STPG2: variants seen among roughly 807,000 people sequenced by gnomAD.
STPG2 encodes the protein sperm tail PG-rich repeat containing 2, also known as sperm-tail PG-rich repeat-containing protein 2.
A neutral mutation model predicts 54.2 loss-of-function variants in STPG2; 56 were observed. The ratio of observed to expected loss-of-function variants is 1.03; its 90% CI spans 0.83 to 1.29. The LOEUF is 1.29. STPG2 is among the 50% of genes most tolerant of loss of function. The pLI, the probability that STPG2 is intolerant of heterozygous loss-of-function variation, is 0.00. For missense variants in STPG2, 596 were observed against 544.9 expected (o/e 1.09, Z -0.93); for synonymous variants, 200 against 181.8 (o/e 1.10, Z -0.81).
chr4:97,701,390 C>T (rs980252231), intron 10 of STPG2, among the ~76,000 whole-genome samples: 2 of 152,160 alleles, frequency 1.3e-5, no homozygotes, highest in African/African-American at 4.8e-5. Context: ...CATATTGGAT[C>T]CCCTGAATCA....
intron 9 of STPG2, among the ~76,000 whole-genome samples, chr4:97,749,883 G>A (rs1403957529): frequency 1.3e-5 from 2 of 151,804 alleles, no homozygotes; most frequent in African/African-American, 4.8e-5. Flanking sequence ...GTCACGTTCA[G>A]TAGGATTTAT....
At chr4:98,136,372 A>C (rs1052971577) in intron 1 of STPG2, among the ~76,000 whole-genome samples, 1 of 151,728 alleles carries the variant, frequency 6.6e-6, no homozygotes, top group East Asian at 1.9e-4. Context: ...AATAGCATAG[A>C]TTAGTTTAGC....
intron 5 of STPG2, among the ~76,000 whole-genome samples, chr4:98,017,602 A>C (rs1736003222): frequency 6.6e-6 from 1 of 152,168 alleles, no homozygotes; most frequent in African/African-American, 2.4e-5. Flanking sequence ...CCATGTAGAT[A>C]CTGTAAACTC....
intron 10 of STPG2, among the ~76,000 whole-genome samples, chr4:97,701,141 A>G (rs1723760674): frequency 6.6e-6 from 1 of 152,076 alleles, no homozygotes; most frequent in South Asian, 2.1e-4. Context: ...GCAGCTCTTA[A>G]TGCCTTCCAT....
intron 4 of STPG2, chr4:97,463,662 C>T (rs1157037081): frequency 6.6e-6 from 1 of 152,208 alleles, no homozygotes; most frequent in Admixed American, 6.6e-5. Flanking sequence ...GTTGGCCAAG[C>T]TGTTCTTGAA....
intron 8 of STPG2, 84 bp from the exon 9 acceptor site, chr4:97,841,016 G>A (rs894890017): frequency 3.2e-5 from 42 of 1,311,770 alleles, no homozygotes; most frequent in African/African-American, 1.2e-4. Context: ...GTTACAGTAA[G>A]CAATGAATAG....
At chr4:97,843,630 T>C (rs1728864575) in intron 8 of STPG2, among the ~76,000 whole-genome samples, 1 of 151,864 alleles carries the variant, frequency 6.6e-6, no homozygotes, top group Non-Finnish European at 1.5e-5. Flanking sequence ...TCCCTAGTAT[T>C]TTAAGCTACA....
rs139034518 is a variant in STPG2, at chr4:98,049,832, T to G, written c.612+56121A>C. On this transcript the variant is annotated intron_variant, in intron 5 of 10. Transcript: ENST00000295268. ...AAACAAACATTTATGTCCCTCCTGATTTTTTTAGTACACAATACCATCTAC... is the reference window on the plus strand; with the variant it reads ...AAACAAACATTTATGTCCCTCCTGAGTTTTTTAGTACACAATACCATCTAC... Among the ~76,000 whole-genome samples the G allele has an allele frequency of 4.2e-3, 641 of 152,262 alleles. 3 individuals are homozygous for G. The highest frequency in any genetic ancestry group is 0.024 in the South Asian group (116 of 4,820).
chr4:97,552,829 C>A (rs1385100991), intron 4 of STPG2, among the ~76,000 whole-genome samples: 1 of 152,124 alleles, frequency 6.6e-6, no homozygotes, highest in Admixed American at 6.6e-5. Context: ...TGCATCCGAG[C>A]AGTTATTTTC....
intron 3 of STPG2, among the ~76,000 whole-genome samples, chr4:98,112,159 G>C (rs528526539): frequency 6.6e-6 from 1 of 151,924 alleles, no homozygotes; most frequent in South Asian, 2.1e-4. Flanking sequence ...ACATAATGAT[G>C]TTTCAATGAT....
intron 8 of STPG2, among the ~76,000 whole-genome samples, chr4:97,872,332 A>G (rs574464444): frequency 6.6e-6 from 1 of 151,370 alleles, no homozygotes; most frequent in South Asian, 2.1e-4. Context: ...ACATTTTTAA[A>G]GAAGTAACAC....
At chr4:97,729,337 CA>C (rs368935607) in intron 9 of STPG2, among the ~76,000 whole-genome samples, 258 of 152,066 alleles carry the variant, frequency 1.7e-3, no homozygotes, top group African/African-American at 5.9e-3. Flanking sequence ...TGTTTTTTGC[CA>C]TTCTTTAATT....
At chr4:97,737,280 T>A (rs1001460135) in intron 9 of STPG2, among the ~76,000 whole-genome samples, 5 of 152,010 alleles carry the variant, frequency 3.3e-5, no homozygotes, top group African/African-American at 1.2e-4. Flanking sequence ...GCAGAAAAAC[T>A]GGAAATTCTA....
At chr4:97,728,339 T>C (rs1265319142) in intron 9 of STPG2, among the ~76,000 whole-genome samples, 1 of 152,086 alleles carries the variant, frequency 6.6e-6, no homozygotes, top group Non-Finnish European at 1.5e-5. Flanking sequence ...AAGGAGTTCA[T>C]TTATTTCTAA....
intron 5 of STPG2, among the ~76,000 whole-genome samples, chr4:98,080,851 T>C (rs1379693283): frequency 6.6e-6 from 1 of 152,218 alleles, no homozygotes; most frequent in African/African-American, 2.4e-5. Context: ...CCACTTCTTA[T>C]TATGTTTACC....
At chr4:97,888,649 A>G (rs1560572766) in intron 8 of STPG2, among the ~76,000 whole-genome samples, 2 of 152,182 alleles carry the variant, frequency 1.3e-5, no homozygotes, top group African/African-American at 2.4e-5. Flanking sequence ...TGGACTGTGT[A>G]CTTTTGAGTC....
intron 10 of STPG2, among the ~76,000 whole-genome samples, chr4:97,640,974 A>G (rs1367087918): frequency 6.6e-6 from 1 of 151,634 alleles, no homozygotes; most frequent in Non-Finnish European, 1.5e-5. Flanking sequence ...ATACAGTTTT[A>G]TAAAAGAAGT....
chr4:97,454,896 TG>T (rs1268850588), intron 4 of STPG2, among the ~76,000 whole-genome samples: 8 of 152,284 alleles, frequency 5.3e-5, no homozygotes, highest in African/African-American at 1.7e-4. Flanking sequence ...AAAAATAGAA[TG>T]CTGCAACAAA....
chr4:97,863,898 C>T lies in STPG2; in HGVS notation c.1045-22966G>A, dbSNP rs528515314. Among the ~76,000 whole-genome samples, 44 of 152,144 alleles carry T rather than the reference C, an allele frequency of 2.9e-4. 1 individual carries two copies. The highest frequency in any genetic ancestry group is 2.4e-3 in the Admixed American group (37 of 15,258). ...AGAAAAGGCCTTTGACAAAATTCAG[C>T]CCTTCATGCTAAAAACTCTCAATAA... On this transcript the variant is annotated intron_variant, in intron 8 of 10. Coordinates refer to ENST00000295268, the MANE Select transcript of STPG2 (RefSeq NM_174952.3).
Sources: gnomAD v4.1 joint callset for allele counts (sites outside exome capture counted in the v4.1 genomes callset) on GRCh38, gnomAD v4.1.1 for gene constraint, MANE v1.5 for transcripts, NCBI Gene and HGNC (gene_info 2026-07-23, HGNC 2026-07-21) for gene names.